FSTL4: variants seen among roughly 807,000 people sequenced by gnomAD.
FSTL4 encodes follistatin-related protein 4.
In FSTL4, 28 loss-of-function variants were observed where a neutral mutation model predicts 78.2. That is an observed-to-expected ratio of 0.36 (90% CI 0.27 to 0.49). The LOEUF (loss-of-function observed/expected upper bound fraction) is 0.49. FSTL4 is among the 20% of genes least tolerant of loss of function. The pLI is 0.98. For synonymous variants in FSTL4, 422 were observed against 440.5 expected, an observed-to-expected ratio of 0.96 and a Z score of 0.53; for missense variants, 922 against 1,084.9, an observed-to-expected ratio of 0.85 and a Z score of 2.11.
the FSTL4 span, among the ~76,000 whole-genome samples, chr5:133,680,553 C>T: frequency 6.6e-6 from 1 of 152,212 alleles, no homozygotes; most frequent in African/African-American, 2.4e-5. Context: ...CTCTGATCTC[C>T]TCTTCTTGAT....
At chr5:133,816,227 G>A in the FSTL4 span, among the ~76,000 whole-genome samples, 1 of 152,346 alleles carries the variant, frequency 6.6e-6, no homozygotes, top group Non-Finnish European at 1.5e-5. Flanking sequence ...ACATGGTAGA[G>A]TGGAGGCCTT....
chr5:133,387,028 C>T (rs1200933083), intron 4 of FSTL4, among the ~76,000 whole-genome samples: 1 of 152,182 alleles, frequency 6.6e-6, no homozygotes, highest in Non-Finnish European at 1.5e-5. Context: ...TAGGTACCTG[C>T]TGTCTGATCA....
chr5:133,651,267 C>T, the FSTL4 span, among the ~76,000 whole-genome samples: 23 of 152,098 alleles, frequency 1.5e-4, no homozygotes, highest in African/African-American at 4.3e-4. Flanking sequence ...AGTTTCAGTA[C>T]GATGTAGAAA....
intron 4 of FSTL4, among the ~76,000 whole-genome samples, chr5:133,395,367 G>T (rs548207221): frequency 3.9e-4 from 60 of 152,260 alleles, no homozygotes; most frequent in Admixed American, 1.7e-3. Context: ...CACCGCGAAG[G>T]TCCGCAGCTT....
At chr5:133,762,483 G>T in the FSTL4 span, among the ~76,000 whole-genome samples, 2 of 152,274 alleles carry the variant, frequency 1.3e-5, no homozygotes, top group African/African-American at 4.8e-5. Flanking sequence ...AGGATCCTTA[G>T]AAACTAACGT....
chr5:133,577,915 CAAACAAAA>C (rs1368513992), intron 2 of FSTL4, among the ~76,000 whole-genome samples: 2 of 152,120 alleles, frequency 1.3e-5, no homozygotes, highest in Non-Finnish European at 2.9e-5. Flanking sequence ...AACAAACAAA[CAAACAAAA>C]CAGTGCAAGT....
intron 4 of FSTL4, among the ~76,000 whole-genome samples, chr5:133,347,472 G>C (rs1210082243): frequency 6.6e-6 from 1 of 152,186 alleles, no homozygotes; most frequent in Non-Finnish European, 1.5e-5. Context: ...TCAGCCTCCT[G>C]AGTAGCTGGG....
chr5:133,538,607 T>C (rs951660617), intron 3 of FSTL4, among the ~76,000 whole-genome samples: 5 of 152,208 alleles, frequency 3.3e-5, no homozygotes, highest in Non-Finnish European at 7.3e-5. Flanking sequence ...TCTGGCATTC[T>C]ACCAGGAAGA....
At chr5:133,449,297 C>T (rs1383348294) in intron 3 of FSTL4, among the ~76,000 whole-genome samples, 1 of 152,198 alleles carries the variant, frequency 6.6e-6, no homozygotes, top group Non-Finnish European at 1.5e-5. Context: ...CTTCAGAACG[C>T]TGGGCCTGGT....
intron 3 of FSTL4, among the ~76,000 whole-genome samples, chr5:133,495,853 G>C (rs952919981): frequency 3.3e-5 from 5 of 152,214 alleles, no homozygotes; most frequent in African/African-American, 4.8e-5. Flanking sequence ...AGATGATCAA[G>C]GTGGTTAGAA....
the FSTL4 span, among the ~76,000 whole-genome samples, chr5:133,718,108 T>G: frequency 6.6e-6 from 1 of 152,056 alleles, no homozygotes; most frequent in African/African-American, 2.4e-5. Flanking sequence ...GGTTTTTTTT[T>G]TTGAGATGGA....
chr5:133,280,507 C>T (rs1418275525), intron 6 of FSTL4, among the ~76,000 whole-genome samples: 1 of 152,140 alleles, frequency 6.6e-6, no homozygotes, highest in Non-Finnish European at 1.5e-5. Flanking sequence ...AAAAGTCATC[C>T]CCAAGCTGCT....
the FSTL4 span, among the ~76,000 whole-genome samples, chr5:133,701,509 A>ACACACACACACC: frequency 0.034 from 4,535 of 132,458 alleles, 121 homozygotes; most frequent in Non-Finnish European, 0.052. Flanking sequence ...ACACACACAC[A>ACACACACACACC]CCCCACAGGC....
At chr5:133,731,448 C>T in the FSTL4 span, among the ~76,000 whole-genome samples, 103 of 152,284 alleles carry the variant, frequency 6.8e-4, no homozygotes, top group African/African-American at 2.5e-3. Context: ...AGAGATACCC[C>T]AAGGCCACAC....
At chr5:133,717,793 A>G in the FSTL4 span, among the ~76,000 whole-genome samples, 54,728 of 152,126 alleles carry the variant, frequency 0.36, 11,098 homozygotes, top group African/African-American at 0.55. Context: ...TGCATCATGC[A>G]GATACACCAT....
intron 3 of FSTL4, among the ~76,000 whole-genome samples, chr5:133,503,442 C>T (rs528748945): frequency 5.9e-5 from 9 of 151,740 alleles, no homozygotes; most frequent in African/African-American, 9.7e-5. Flanking sequence ...GCACTGGCTC[C>T]GGCACACCAC....
chr5:133,254,914 T>A (rs1752347092), intron 6 of FSTL4, among the ~76,000 whole-genome samples: 1 of 152,212 alleles, frequency 6.6e-6, no homozygotes, highest in South Asian at 2.1e-4. Context: ...TCTGCAGGGC[T>A]GTGGACCAGT....
Position 133,316,550 on chromosome 5 carries a change from G to A in FSTL4, c.512C>T (p.Pro171Leu). 1 of 1,614,146 alleles carries A rather than the reference G, an allele frequency of 6.2e-7. No individual in the cohort carries two copies. The highest frequency in any genetic ancestry group is 8.5e-7 in the Non-Finnish European group (1 of 1,179,972). Reference sequence around the variant, plus strand: ...CACCAGGAGGCGCTTCTGGGAGGCAGGGTCTTGTCTGCTGTCTCCTTCTTG... The same window carrying A: ...CACCAGGAGGCGCTTCTGGGAGGCAAGGTCTTGTCTGCTGTCTCCTTCTTG... ...PLQEGDSRQD[P>L]ASQKRLLVES... is the part of the protein sequence containing the mutation. Residue 171 changes from proline (P) to leucine (L), a missense_variant, in exon 5 of 16, where the codon CCT becomes CTT. Coordinates refer to ENST00000265342, the MANE Select transcript of FSTL4 (RefSeq NM_015082.2).
At chr5:133,597,827 G>A (rs1167573822) in intron 2 of FSTL4, among the ~76,000 whole-genome samples, 1 of 152,198 alleles carries the variant, frequency 6.6e-6, no homozygotes, top group Admixed American at 6.5e-5. Context: ...GACAGAGATG[G>A]GATAGGACAC....
Sources: allele counts gnomAD v4.1 joint callset (sites outside exome capture counted in the v4.1 genomes callset), GRCh38; gene constraint gnomAD v4.1.1; transcripts MANE v1.5; gene names NCBI Gene and HGNC (gene_info 2026-07-23, HGNC 2026-07-21).